The following ACSS2 variants were observed in gnomAD, a reference collection of about 807,000 sequenced individuals.
ACSS2 encodes acetyl-coenzyme A synthetase, cytoplasmic.
In ACSS2, 58 loss-of-function variants were observed where a neutral mutation model predicts 90.6. That is an observed-to-expected ratio of 0.64 (90% CI 0.52 to 0.80). The LOEUF (loss-of-function observed/expected upper bound fraction) is 0.80, where lower values mean the gene tolerates loss of function less well. ACSS2 is among the 30% of genes least tolerant of loss of function. The pLI is 0.00. For missense variants in ACSS2, 759 were observed against 912.0 expected, an observed-to-expected ratio of 0.83 and a Z score of 2.16; for synonymous variants, 300 against 330.9, an observed-to-expected ratio of 0.91 and a Z score of 1.01.
At chr20:34,921,962 G>A (rs2081213338) in intron 13 of ACSS2, 96 bp downstream of exon 13, 1 of 1,523,846 alleles carries the variant, frequency 6.6e-7, no homozygotes, top group Admixed American at 2.2e-5. Flanking sequence ...TCTCCTGGTA[G>A]CTGCTTAGGA....
intron 2 of ACSS2, among the ~76,000 whole-genome samples, chr20:34,908,084 T>G (rs140865084): frequency 1.2e-3 from 178 of 152,248 alleles, no homozygotes; most frequent in Middle Eastern, 6.8e-3. Context: ...ACCTCCTTCA[T>G]AAGTGCTCTG....
In ACSS2 at chr20:34,921,595, TCTG is replaced by T; in HGVS notation, c.1466_1467+1del. 2.5e-6 allele frequency: 4 copies of T among 1,614,192 alleles called. No individual in the cohort carries two copies. The highest frequency in any genetic ancestry group is 1.3e-5 in the African/African-American group (1 of 75,050). On this transcript the variant is annotated inframe_deletion and splice_region_variant, in exon 12 of 18. Coordinates refer to ENST00000360596, the MANE Select transcript of ACSS2 (RefSeq NM_018677.4). ...TGGTGCCACACCCATGAAACCCGGT[TCTG>T]CTGTGAGTGATGCTTCCCTGGCTGG...
intron 1 of ACSS2, among the ~76,000 whole-genome samples, chr20:34,879,106 G>T (rs995601844): frequency 1.3e-5 from 2 of 151,476 alleles, no homozygotes; most frequent in Non-Finnish European, 2.9e-5. Flanking sequence ...GGCTTTCACC[G>T]TGTTAGCCAG....
intron 2 of ACSS2, among the ~76,000 whole-genome samples, chr20:34,883,697 A>G (rs2080123199): frequency 6.6e-6 from 1 of 152,228 alleles, no homozygotes; most frequent in African/African-American, 2.4e-5. Flanking sequence ...ATAAGGTCAT[A>G]GAGTGAATAA....
At chr20:34,905,998 T>C (rs2080791347) in intron 2 of ACSS2, among the ~76,000 whole-genome samples, 1 of 152,178 alleles carries the variant, frequency 6.6e-6, no homozygotes, top group Non-Finnish European at 1.5e-5. Flanking sequence ...ATAGCCTCTT[T>C]GGATCTCAGA....
intron 8 of ACSS2, among the ~76,000 whole-genome samples, 156 bp downstream of exon 8, chr20:34,919,728 T>C (rs2081155690): frequency 1.3e-5 from 2 of 152,110 alleles, no homozygotes; most frequent in South Asian, 4.1e-4. Context: ...TAAATCAAAT[T>C]AAGACATAAA....
chr20:34,895,421 T>C (rs1004376744), intron 2 of ACSS2, among the ~76,000 whole-genome samples: 1 of 152,214 alleles, frequency 6.6e-6, no homozygotes, highest in Non-Finnish European at 1.5e-5. Context: ...AAGATAAATA[T>C]GTTAATATAT....
intron 2 of ACSS2, among the ~76,000 whole-genome samples, chr20:34,899,567 G>T (rs1405589318): frequency 6.6e-6 from 1 of 150,408 alleles, no homozygotes; most frequent in Non-Finnish European, 1.5e-5. Flanking sequence ...TCGGCTCACT[G>T]CAACCTCCGC....
At chr20:34,909,865 C>T (rs910065571) in intron 2 of ACSS2, among the ~76,000 whole-genome samples, 1 of 151,956 alleles carries the variant, frequency 6.6e-6, no homozygotes, top group African/African-American at 2.4e-5. Flanking sequence ...TACAGGCGTG[C>T]ACCACCATGC....
At chr20:34,884,351 G>A (rs1404263360) in intron 2 of ACSS2, among the ~76,000 whole-genome samples, 1 of 152,160 alleles carries the variant, frequency 6.6e-6, no homozygotes, top group East Asian at 1.9e-4. Context: ...CAGTTTGTGT[G>A]ATATATTGAG....
intron 2 of ACSS2, among the ~76,000 whole-genome samples, chr20:34,910,735 CATT>C (rs1202930620): frequency 1.3e-5 from 2 of 152,166 alleles, no homozygotes; most frequent in Non-Finnish European, 2.9e-5. Flanking sequence ...GAACACTTCT[CATT>C]ATGTATCTTT....
intron 9 of ACSS2, 86 bp from the exon 10 acceptor site, chr20:34,920,920 C>A (rs1388844692): frequency 6.3e-7 from 1 of 1,582,506 alleles, no homozygotes; most frequent in Admixed American, 1.7e-5. Context: ...TCAGAAAGGG[C>A]AAAATACTGA....
chr20:34,876,131 C>T (rs1435182996), upstream of ACSS2, among the ~76,000 whole-genome samples: 3 of 152,156 alleles, frequency 2.0e-5, no homozygotes, highest in African/African-American at 7.2e-5. Context: ...CAACTCCTCT[C>T]CTTAGTCCAT....
chr20:34,907,145 T>G (rs2147056018), intron 2 of ACSS2, among the ~76,000 whole-genome samples: 1 of 150,152 alleles, frequency 6.7e-6, no homozygotes, highest in South Asian at 2.1e-4. Flanking sequence ...TTTGAGACAG[T>G]CTTGCCCTGT....
At chr20:34,906,014 G>C (rs1323393948) in intron 2 of ACSS2, among the ~76,000 whole-genome samples, 1 of 152,162 alleles carries the variant, frequency 6.6e-6, no homozygotes, top group Non-Finnish European at 1.5e-5. Flanking sequence ...TCAGAGTTAA[G>C]AGACTAAATT....
chr20:34,900,648 T>A (rs904202824), intron 2 of ACSS2, among the ~76,000 whole-genome samples: 3 of 152,224 alleles, frequency 2.0e-5, no homozygotes, highest in Non-Finnish European at 4.4e-5. Flanking sequence ...AGGATGACAG[T>A]TGATTCCAGT....
chr20:34,920,599 T>G lies in ACSS2; in HGVS notation c.1033T>G (p.Phe345Val), dbSNP rs755950285. 2 of 1,614,210 alleles carry G rather than the reference T, an allele frequency of 1.2e-6. No homozygotes were observed. Among genetic ancestry groups the G allele is most frequent in the South Asian group, 2.2e-5 (2 of 91,088 alleles). Residue 345 changes from phenylalanine to valine, a missense_variant, in exon 9 of 18, where the codon TTT becomes GTT. Coordinates refer to ENST00000360596, the MANE Select transcript of ACSS2 (RefSeq NM_018677.4). ...LYVATTFKYV[F>V]DFHAEDVFWC... Reference sequence around the variant, plus strand: ...TGTAGCCACAACCTTCAAGTATGTGTTTGACTTCCATGCAGAGGATGTGTT... The same window carrying G: ...TGTAGCCACAACCTTCAAGTATGTGGTTGACTTCCATGCAGAGGATGTGTT...
At chr20:34,909,085 C>G (rs1231663898) in intron 2 of ACSS2, 1 of 341,736 alleles carries the variant, frequency 2.9e-6, no homozygotes, top group East Asian at 8.7e-5. Context: ...GTGGCTCACA[C>G]CTGTAATCCC....
chr20:34,877,928 A>ATAGATAGATAGATAGC (rs1447839035), intron 1 of ACSS2, among the ~76,000 whole-genome samples: 4 of 150,650 alleles, frequency 2.7e-5, no homozygotes, highest in Non-Finnish European at 4.4e-5. Flanking sequence ...AGATAGATAG[A>ATAGATAGATAGATAGC]TAGATAGATA....
Sources: gnomAD v4.1 joint callset for allele counts (sites outside exome capture counted in the v4.1 genomes callset) on GRCh38, gnomAD v4.1.1 for gene constraint, MANE v1.5 for transcripts, NCBI Gene and HGNC (gene_info 2026-07-23, HGNC 2026-07-21) for gene names.